Variants in ADAMTS17 observed in about 807,000 individuals in gnomAD.
ADAMTS17 encodes A disintegrin and metalloproteinase with thrombospondin motifs 17.
A neutral mutation model predicts 141.5 loss-of-function variants in ADAMTS17; 113 were observed. That is an observed-to-expected ratio of 0.80 (90% CI 0.69 to 0.93). ADAMTS17 has a LOEUF of 0.93. ADAMTS17 is among the 40% of genes least tolerant of loss of function. The pLI is 0.00. For synonymous variants in ADAMTS17, 768 were observed against 630.6 expected (o/e 1.22, Z -3.27); for missense variants, 1,659 against 1,517.9 (o/e 1.09, Z -1.54).
chr15:100,003,611 A>G (rs1016522681), intron 18 of ADAMTS17, among the ~76,000 whole-genome samples: 1 of 152,162 alleles, frequency 6.6e-6, no homozygotes, highest in African/African-American at 2.4e-5. Context: ...CATTATTCAC[A>G]ATAGCCAAAA....
intron 2 of ADAMTS17, among the ~76,000 whole-genome samples, chr15:100,340,754 G>C (rs369781388): frequency 2.1e-5 from 3 of 142,504 alleles, no homozygotes; most frequent in Non-Finnish European, 4.6e-5. Context: ...CCAGATCTGC[G>C]CTCCCTAGAG....
At chr15:100,263,540 G>C (rs2043603938) in intron 4 of ADAMTS17, among the ~76,000 whole-genome samples, 1 of 152,188 alleles carries the variant, frequency 6.6e-6, no homozygotes, top group Non-Finnish European at 1.5e-5. Context: ...TGATTCAAGA[G>C]GAAGAGAAGG....
intron 7 of ADAMTS17, among the ~76,000 whole-genome samples, chr15:100,202,151 C>T (rs1413848143): frequency 6.6e-6 from 1 of 152,200 alleles, no homozygotes; most frequent in African/African-American, 2.4e-5. Flanking sequence ...ACCTCAAATG[C>T]CACACAAACA....
chr15:100,017,638 C>T (rs1323316687), intron 18 of ADAMTS17, among the ~76,000 whole-genome samples: 3 of 152,228 alleles, frequency 2.0e-5, no homozygotes, highest in Non-Finnish European at 2.9e-5. Flanking sequence ...TTCATTTTCT[C>T]CAGTGGGGGT....
intron 10 of ADAMTS17, among the ~76,000 whole-genome samples, chr15:100,140,159 C>T (rs2038553338): frequency 6.6e-6 from 1 of 151,948 alleles, no homozygotes; most frequent in Non-Finnish European, 1.5e-5. Flanking sequence ...CCATGCCTGG[C>T]TAATTTTTGT....
In ADAMTS17 at chr15:100,146,748, G is replaced by C. The variant is rs1191842859; in HGVS notation, c.1473+5864C>G. On this transcript the variant is annotated intron_variant, in intron 10 of 21. Transcript: ENST00000268070. ...ATTTTTCTTAGCAAGGAACATCCCT[G>C]GGAAAGAGAATACGTGCCTGGGGGT... Among the ~76,000 whole-genome samples, 5 of 152,396 alleles carry C rather than the reference G, an allele frequency of 3.3e-5. No individual in the cohort carries two copies. In the South Asian group the frequency reaches 8.3e-4, roughly 25 times the overall value.
intron 18 of ADAMTS17, among the ~76,000 whole-genome samples, chr15:100,040,282 T>A (rs2031128883): frequency 6.6e-6 from 1 of 152,222 alleles, no homozygotes; most frequent in East Asian, 1.9e-4. Flanking sequence ...ACTGTTGCCC[T>A]TACTGCACAG....
chr15:99,983,266 C>T (rs1000358033), intron 20 of ADAMTS17, among the ~76,000 whole-genome samples: 2 of 152,170 alleles, frequency 1.3e-5, no homozygotes, highest in African/African-American at 4.8e-5. Context: ...GTGGCCAGAG[C>T]TCAGAACACA....
chr15:100,121,274 G>A (rs1239605179), intron 12 of ADAMTS17, among the ~76,000 whole-genome samples: 3 of 152,072 alleles, frequency 2.0e-5, no homozygotes, highest in Admixed American at 2.0e-4. Flanking sequence ...AGAGAGAAAG[G>A]GTTAAGAGAT....
rs918299204 is a variant in ADAMTS17, at chr15:100,153,128, A to T, written c.1323-366T>A. ...TAGACTATGGCTTTGAGCAAAAACT[A>T]TCATGAATAAAGAACAAGTACAAGT... On this transcript the variant is annotated intron_variant, in intron 9 of 21. Coordinates refer to ENST00000268070, the MANE Select transcript of ADAMTS17 (RefSeq NM_139057.4). Among the ~76,000 whole-genome samples the T allele has an allele frequency of 4.2e-4, 64 of 152,348 alleles. 1 individual carries two copies. Among genetic ancestry groups the T allele is most frequent in the African/African-American group, 1.5e-3 (64 of 41,566 alleles).
chr15:100,152,700 G>C lies in ADAMTS17; in HGVS notation c.1385C>G (p.Pro462Arg). The change falls in exon 10 of 22, where the codon CCG becomes CGG. Residue 462 changes from proline to arginine, a missense_variant. Coordinates refer to ENST00000268070, the MANE Select transcript of ADAMTS17 (RefSeq NM_139057.4). ...GTAGTGCATGCCCGGCAGCTTGTGC[G>C]GGAGGCGTACTGTGTGCTGGCTTCT... is the stretch of plus-strand genomic sequence containing the variant. ...DPRSQHTVRL[P>R]HKLPGMHYSA... 6.2e-7 allele frequency: 1 copy of C among 1,614,242 alleles called. No homozygotes were observed.
At chr15:100,223,077 TCA>T in intron 7 of ADAMTS17, among the ~76,000 whole-genome samples, 1 of 152,322 alleles carries the variant, frequency 6.6e-6, no homozygotes, top group East Asian at 1.9e-4. Context: ...CAGGAACATT[TCA>T]GTTTTCTCTT....
At position 100,127,052 on chromosome 15, in the gene ADAMTS17, T is replaced by C. The variant is rs76807535; in HGVS notation, c.1721+4955A>G. Among the ~76,000 whole-genome samples, 1,335 of 151,560 alleles carry C rather than the reference T, an allele frequency of 8.8e-3. 20 individuals are homozygous for C. The highest frequency in any genetic ancestry group is 0.03 in the African/African-American group (1,250 of 41,302). ...CTAACACCCAAAGAAAGGAAAAGGG[T>C]AAGTTAAGGAAAGGGAAGACAGCAC... On this transcript the variant is annotated intron_variant, in intron 12 of 21. Transcript: ENST00000268070.
intron 8 of ADAMTS17, among the ~76,000 whole-genome samples, chr15:100,170,630 T>C (rs1051285523): frequency 1.3e-5 from 2 of 152,226 alleles, no homozygotes; most frequent in Non-Finnish European, 2.9e-5. Context: ...TAAAAGTGTT[T>C]ATTCAGAGGA....
intron 18 of ADAMTS17, among the ~76,000 whole-genome samples, chr15:100,033,016 A>G (rs1333518584): frequency 6.6e-6 from 1 of 152,164 alleles, no homozygotes; most frequent in Non-Finnish European, 1.5e-5. Context: ...AAAATTCTCT[A>G]CTTTTACAAT....
chr15:100,290,659 C>T (rs1197738308), intron 3 of ADAMTS17, among the ~76,000 whole-genome samples: 2 of 152,122 alleles, frequency 1.3e-5, no homozygotes, highest in Non-Finnish European at 2.9e-5. Flanking sequence ...AAAACAGACA[C>T]ATAGACCAAT....
At chr15:99,998,114 C>A (rs924505631) in intron 18 of ADAMTS17, among the ~76,000 whole-genome samples, 1 of 152,254 alleles carries the variant, frequency 6.6e-6, no homozygotes, top group South Asian at 2.1e-4. Flanking sequence ...GTTGCTGCGG[C>A]AATAGGGGAT....
chr15:100,174,866 G>C (rs980964523), intron 8 of ADAMTS17, among the ~76,000 whole-genome samples: 21 of 152,194 alleles, frequency 1.4e-4, no homozygotes, highest in African/African-American at 5.1e-4. Flanking sequence ...GGGTCGTTAA[G>C]ACAGGAAAAG....
chr15:100,085,223 C>G (rs575165575), intron 15 of ADAMTS17, among the ~76,000 whole-genome samples: 229 of 152,042 alleles, frequency 1.5e-3, no homozygotes, highest in African/African-American at 5.3e-3. Flanking sequence ...CCGACGTGAT[C>G]AACTGGAAGA....
Sources: gnomAD v4.1 joint callset for allele counts (sites outside exome capture counted in the v4.1 genomes callset) on GRCh38, gnomAD v4.1.1 for gene constraint, MANE v1.5 for transcripts, NCBI Gene and HGNC (gene_info 2026-07-23, HGNC 2026-07-21) for gene names.